DCC: variants seen among roughly 807,000 people sequenced by gnomAD.
DCC encodes the protein netrin receptor DCC.
In DCC, 58 loss-of-function variants were observed where a neutral mutation model predicts 172.5. The ratio of observed to expected loss-of-function variants is 0.34; its 90% confidence interval spans 0.27 to 0.42. DCC has a LOEUF of 0.42. DCC is among the 10% of genes least tolerant of loss of function. The pLI is 1.00. For missense variants in DCC, 1,740 were observed against 1,791.0 expected, an observed-to-expected ratio of 0.97 and a Z score of 0.51; for synonymous variants, 709 against 644.5, an observed-to-expected ratio of 1.10 and a Z score of -1.52.
At chr18:53,381,124 A>G (rs11665326) in intron 15 of DCC, among the ~76,000 whole-genome samples, 68,623 of 151,074 alleles carry the variant, frequency 0.45, 16,547 homozygotes, top group Non-Finnish European at 0.54. Flanking sequence ...GGGGGTTAGG[A>G]GATGAAGAAA....
chr18:53,285,417 G>A (rs894805965), intron 12 of DCC, among the ~76,000 whole-genome samples: 1 of 152,212 alleles, frequency 6.6e-6, no homozygotes, highest in African/African-American at 2.4e-5. Context: ...GAGGGCAGAA[G>A]CCCCAAACCT....
intron 25 of DCC, among the ~76,000 whole-genome samples, chr18:53,481,693 G>A (rs990357803): frequency 2.6e-5 from 4 of 152,128 alleles, no homozygotes; most frequent in Admixed American, 2.0e-4. Context: ...GTACCATGTT[G>A]AGAAATATCT....
Position 53,128,830 on chromosome 18 carries a change from T to TACACAC in DCC, c.1262-28490_1262-28485dup, listed in dbSNP as rs1209652447. Among the ~76,000 whole-genome samples, 826 of 86,714 alleles carry TACACAC rather than the reference T, an allele frequency of 9.5e-3. 7 individuals are homozygous for TACACAC. Among genetic ancestry groups the TACACAC allele is most frequent in the African/African-American group, 0.01 (249 of 23,970 alleles). 56.9% of individuals were successfully genotyped at this position (86,714 alleles called of 152,430 possible). On this transcript the variant is annotated intron_variant, in intron 7 of 28. Coordinates refer to ENST00000442544, the MANE Select transcript of DCC (RefSeq NM_005215.4). ...CTCTCTACGTCTATGTGTATACACATACACACACACACACACACACACACA... is the reference window on the plus strand; with the variant it reads ...CTCTCTACGTCTATGTGTATACACATACACACACACACACACACACACACACACACA...
chr18:53,471,985 C>T (rs1247602580), intron 25 of DCC, among the ~76,000 whole-genome samples: 1 of 152,120 alleles, frequency 6.6e-6, no homozygotes, highest in African/African-American at 2.4e-5. Context: ...GTCGCCAATA[C>T]CCAGAACAGC....
intron 1 of DCC, among the ~76,000 whole-genome samples, chr18:52,494,631 GTTA>G (rs1425097940): frequency 2.6e-5 from 4 of 151,744 alleles, no homozygotes; most frequent in Non-Finnish European, 4.4e-5. Flanking sequence ...CTTAATATTA[GTTA>G]TTATGTTTTA....
At chr18:53,027,691 A>C (rs568364415) in intron 5 of DCC, among the ~76,000 whole-genome samples, 43 of 152,114 alleles carry the variant, frequency 2.8e-4, no homozygotes, top group African/African-American at 8.7e-4. Context: ...TTTTCTGTCA[A>C]CTTTTCTTCT....
At chr18:52,404,605 G>T (rs2144384890) in intron 1 of DCC, among the ~76,000 whole-genome samples, 1 of 151,090 alleles carries the variant, frequency 6.6e-6, no homozygotes. Flanking sequence ...GGTAAAAATG[G>T]GCAGATTTCT....
rs8096698 is a variant in DCC at position 53,207,662 on chromosome 18, G to A, written c.1723-17G>A. ...ATGTGCTTCCTTGATAACAGTTTTG[G>A]TGTTTTATGTCTCCAGAATATAGAG... On this transcript the variant is annotated splice_polypyrimidine_tract_variant and intron_variant, in intron 10 of 28. Transcript: ENST00000442544. 2.3e-3 allele frequency: 3,714 copies of A among 1,611,962 alleles called. 53 individuals carry two copies. The African/African-American group carries it at 0.028, about 12-fold the overall frequency.
chr18:52,526,546 T>C (rs2144675705), intron 1 of DCC, among the ~76,000 whole-genome samples: 1 of 152,158 alleles, frequency 6.6e-6, no homozygotes, highest in Admixed American at 6.5e-5. Flanking sequence ...AAGGCCAGCC[T>C]TTTCTATCTC....
intron 12 of DCC, among the ~76,000 whole-genome samples, chr18:53,256,435 A>G (rs1376457397): frequency 2.0e-5 from 3 of 152,106 alleles, no homozygotes; most frequent in Non-Finnish European, 4.4e-5. Flanking sequence ...ACATATGGCC[A>G]GCCAGTTTTC....
intron 1 of DCC, among the ~76,000 whole-genome samples, chr18:52,748,171 C>A (rs1352612395): frequency 6.6e-6 from 1 of 152,206 alleles, no homozygotes; most frequent in African/African-American, 2.4e-5. Flanking sequence ...GTGCGGCAGG[C>A]AGCTTTAGGT....
intron 12 of DCC, among the ~76,000 whole-genome samples, chr18:53,301,931 T>TA (rs2057146535): frequency 6.6e-6 from 1 of 152,162 alleles, no homozygotes; most frequent in Non-Finnish European, 1.5e-5. Context: ...CTGGGTGGCT[T>TA]AAAAAACAGG....
intron 5 of DCC, among the ~76,000 whole-genome samples, chr18:53,055,554 T>G (rs2042392304): frequency 6.6e-6 from 1 of 152,170 alleles, no homozygotes; most frequent in Non-Finnish European, 1.5e-5. Flanking sequence ...AACTTAAGTA[T>G]GCTTTTATTT....
intron 1 of DCC, among the ~76,000 whole-genome samples, chr18:52,417,075 C>CA (rs1302239935): frequency 6.6e-6 from 1 of 152,124 alleles, no homozygotes; most frequent in African/African-American, 2.4e-5. Flanking sequence ...CTGGTGGTGA[C>CA]AAAATCTCTC....
At chr18:52,513,895 C>T (rs147408021) in intron 1 of DCC, among the ~76,000 whole-genome samples, 2 of 152,282 alleles carry the variant, frequency 1.3e-5, no homozygotes, top group African/African-American at 4.8e-5. Flanking sequence ...TGAGAAGTAA[C>T]CTAAAAGCCA....
At chr18:52,444,138 C>CT (rs1032196583) in intron 1 of DCC, among the ~76,000 whole-genome samples, 5 of 152,178 alleles carry the variant, frequency 3.3e-5, no homozygotes, top group Admixed American at 6.5e-5. Flanking sequence ...CCTAGAAAGG[C>CT]TGTGGAATGG....
intron 2 of DCC, among the ~76,000 whole-genome samples, chr18:52,867,893 A>AAG (rs1387561762): frequency 2.0e-5 from 3 of 152,110 alleles, no homozygotes; most frequent in Non-Finnish European, 4.4e-5. Context: ...GTTTTAGGTC[A>AAG]GATTTTTGCT....
intron 12 of DCC, among the ~76,000 whole-genome samples, chr18:53,266,678 A>T (rs975944781): frequency 6.6e-6 from 1 of 152,066 alleles, no homozygotes. Flanking sequence ...ATCTCTTAGC[A>T]GTGCCCTCCT....
chr18:53,421,239 A>G (rs1044734657), intron 21 of DCC, among the ~76,000 whole-genome samples: 5 of 152,198 alleles, frequency 3.3e-5, no homozygotes, highest in African/African-American at 1.2e-4. Context: ...CGATATTCTT[A>G]GCATGAGCAG....
Sources: gnomAD v4.1 joint callset for allele counts (sites outside exome capture counted in the v4.1 genomes callset) on GRCh38, gnomAD v4.1.1 for gene constraint, MANE v1.5 for transcripts, NCBI Gene and HGNC (gene_info 2026-07-23, HGNC 2026-07-21) for gene names.